NCOA2: variants seen among roughly 807,000 people sequenced by gnomAD.
The protein encoded by NCOA2 is class E basic helix-loop-helix protein 75.
A neutral mutation model predicts 145.1 loss-of-function variants in NCOA2; 21 were observed. The ratio of observed to expected loss-of-function variants is 0.14; its 90% CI spans 0.10 to 0.21. The LOEUF (loss-of-function observed/expected upper bound fraction) is 0.21, where lower values mean the gene tolerates loss of function less well. Among genes scored for constraint, NCOA2 ranks in the 10% least tolerant of loss-of-function variants. The probability of loss-of-function intolerance (pLI) is 1.00; values close to 1 mark genes in which losing one functional copy is unlikely to be tolerated. For missense variants in NCOA2, 1,472 were observed against 1,837.6 expected, an observed-to-expected ratio of 0.80 and a Z score of 3.64; for synonymous variants, 619 against 637.5, an observed-to-expected ratio of 0.97 and a Z score of 0.44.
In NCOA2 at chr8:70,156,937, G is replaced by T. The variant is rs1812362081; in HGVS notation, c.1428C>A (p.Gly476=). The T allele has an allele frequency of 6.2e-7, 1 of 1,614,038 alleles. No individual in the cohort carries two copies. Among genetic ancestry groups the T allele is most frequent in the East Asian group, 2.2e-5 (1 of 44,880 alleles). ...KMNSPSQSSP[G]MNPGQPTSML... is the part of the protein sequence containing the mutation. ...TGGAGGTGGGCTGTCCTGGATTCAT[G>T]CCAGGGCTGCTTTGTGAGGGGCTGT... The change falls in exon 11 of 23, where the codon GGC becomes GGA. Residue 476 remains glycine, a synonymous_variant. Coordinates refer to ENST00000452400, the MANE Select transcript of NCOA2 (RefSeq NM_006540.4).
chr8:70,277,549 C>T (rs1307676058), intron 2 of NCOA2, among the ~76,000 whole-genome samples: 1 of 152,006 alleles, frequency 6.6e-6, no homozygotes, highest in Non-Finnish European at 1.5e-5. Flanking sequence ...GTTTCTTTAC[C>T]TTCCTAAATG....
intron 1 of NCOA2, among the ~76,000 whole-genome samples, chr8:70,374,349 G>A (rs978389913): frequency 3.9e-5 from 6 of 151,930 alleles, no homozygotes; most frequent in African/African-American, 1.2e-4. Flanking sequence ...GCACATGCCT[G>A]TAATCTCAGC....
Position 70,116,119 on chromosome 8 carries a change from G to A in NCOA2, c.4384-2476C>T, listed in dbSNP as rs138299892. On this transcript the variant is annotated intron_variant, in intron 22 of 22. Transcript: ENST00000452400. The stretch of plus-strand genomic sequence containing the variant: ...GGAGAATGGCATGAACCTGGGAGGC[G>A]GAGCTTGCAGTGAGCCGAGATTGCG... 7.3e-3 allele frequency among the ~76,000 whole-genome samples: 1,088 copies of A among 149,162 alleles called. 15 individuals are homozygous for A. The highest frequency in any genetic ancestry group is 7.2e-3 in the Non-Finnish European group (484 of 67,684).
chr8:70,212,125 C>G (rs1819108810), intron 4 of NCOA2, among the ~76,000 whole-genome samples: 1 of 149,402 alleles, frequency 6.7e-6, no homozygotes, highest in Non-Finnish European at 1.5e-5. Flanking sequence ...AGAAGTACTA[C>G]CTAAACATGC....
chr8:70,445,107 CT>C, the NCOA2 span, among the ~76,000 whole-genome samples: 1 of 152,152 alleles, frequency 6.6e-6, no homozygotes, highest in African/African-American at 2.4e-5. Flanking sequence ...TTTTACCACA[CT>C]TTTTTTCTTG....
chr8:70,289,559 A>T (rs1382894948), intron 2 of NCOA2, among the ~76,000 whole-genome samples: 2 of 152,168 alleles, frequency 1.3e-5, no homozygotes, highest in East Asian at 3.9e-4. Context: ...ACAAATTTCC[A>T]GACCATTAGG....
intron 2 of NCOA2, among the ~76,000 whole-genome samples, chr8:70,275,161 A>G (rs1825376417): frequency 6.6e-6 from 1 of 152,240 alleles, no homozygotes; most frequent in Admixed American, 6.5e-5. Flanking sequence ...GCCATCTTCT[A>G]AAATTCTCTA....
intron 1 of NCOA2, among the ~76,000 whole-genome samples, chr8:70,304,166 TAAC>T (rs1225227916): frequency 1.3e-5 from 2 of 152,342 alleles, no homozygotes; most frequent in African/African-American, 4.8e-5. Context: ...ATGCACTGCA[TAAC>T]AACATTTGTC....
At chr8:70,325,820 C>A (rs952339804) in intron 1 of NCOA2, among the ~76,000 whole-genome samples, 1 of 152,132 alleles carries the variant, frequency 6.6e-6, no homozygotes, top group Non-Finnish European at 1.5e-5. Context: ...ACATGGGTGG[C>A]CCATTTACTT....
intron 4 of NCOA2, among the ~76,000 whole-genome samples, chr8:70,179,201 T>C (rs1266855115): frequency 6.6e-6 from 1 of 152,236 alleles, no homozygotes; most frequent in Non-Finnish European, 1.5e-5. Flanking sequence ...ATCTATTCTT[T>C]AATTCTGTAT....
chr8:70,296,192 C>T (rs373465966), intron 2 of NCOA2, among the ~76,000 whole-genome samples: 1 of 152,110 alleles, frequency 6.6e-6, no homozygotes, highest in Non-Finnish European at 1.5e-5. Context: ...AAAAATATAT[C>T]ACATGATCAT....
chr8:70,303,318 G>T (rs1018317207), intron 1 of NCOA2, among the ~76,000 whole-genome samples: 1 of 152,152 alleles, frequency 6.6e-6, no homozygotes, highest in Non-Finnish European at 1.5e-5. Flanking sequence ...CAAGGAAAAT[G>T]AGAAGAAATT....
rs928435916 is a variant in NCOA2, at chr8:70,113,262, G to A, written c.*370C>T. 93 of 290,986 alleles carry A rather than the reference G, an allele frequency of 3.2e-4. No homozygotes were observed. The highest frequency in any genetic ancestry group is 1.0e-3 in the Middle Eastern group (1 of 1,002). 18.0% of individuals were successfully genotyped at this position (290,986 alleles called of 1,614,324 possible). A position where few individuals can be genotyped will look rare whatever the true frequency, so the allele number is the denominator to read the frequency against. ...AAGCAAGAAACCAGTGTCTGGAACC[G>A]AACAGGAACAGAACAAGAGCATGGT... On this transcript the variant is annotated 3_prime_UTR_variant, in exon 23 of 23. Transcript: ENST00000452400.
chr8:70,376,042 T>A (rs2131335477), intron 1 of NCOA2, among the ~76,000 whole-genome samples: 1 of 152,322 alleles, frequency 6.6e-6, no homozygotes, highest in East Asian at 1.9e-4. Context: ...TCCATTCAAC[T>A]TTAGTAGTAA....
At chr8:70,231,694 C>T (rs1379221884) in intron 2 of NCOA2, among the ~76,000 whole-genome samples, 2 of 152,210 alleles carry the variant, frequency 1.3e-5, no homozygotes, top group Admixed American at 1.3e-4. Flanking sequence ...CTGCAGTCCA[C>T]TCCAGTAGAA....
At chr8:70,158,888 C>A (rs534542489) in intron 10 of NCOA2, among the ~76,000 whole-genome samples, 1 of 152,192 alleles carries the variant, frequency 6.6e-6, no homozygotes, top group East Asian at 1.9e-4. Context: ...CAATAAATTT[C>A]CCTTTTTCAA....
At chr8:70,150,097 G>A (rs1284691628) in intron 11 of NCOA2, among the ~76,000 whole-genome samples, 1 of 152,140 alleles carries the variant, frequency 6.6e-6, no homozygotes, top group Non-Finnish European at 1.5e-5. Flanking sequence ...ATTTTATTTG[G>A]TTCTTCTCAG....
chr8:70,282,328 T>C (rs1563719518), intron 2 of NCOA2, among the ~76,000 whole-genome samples: 3 of 152,176 alleles, frequency 2.0e-5, no homozygotes, highest in Non-Finnish European at 1.5e-5. Flanking sequence ...AAAAAGACTG[T>C]GCAGGCAACA....
At chr8:70,137,756 G>C (rs1050918454) in intron 15 of NCOA2, among the ~76,000 whole-genome samples, 2 of 152,208 alleles carry the variant, frequency 1.3e-5, no homozygotes, top group Non-Finnish European at 2.9e-5. Flanking sequence ...GCCTGCCTGA[G>C]GTTCTTCCTC....
Sources: allele counts gnomAD v4.1 joint callset (sites outside exome capture counted in the v4.1 genomes callset), GRCh38; gene constraint gnomAD v4.1.1; transcripts MANE v1.5; gene names NCBI Gene and HGNC (gene_info 2026-07-23, HGNC 2026-07-21).